The following GPC6 variants were observed in gnomAD, a reference collection of about 807,000 sequenced individuals.
GPC6 encodes the protein glypican 6.
GPC6 carries 14 observed loss-of-function variants against 55.2 expected under a neutral mutation model. That is an observed-to-expected ratio of 0.25 (90% CI 0.17 to 0.40). The LOEUF (loss-of-function observed/expected upper bound fraction) is 0.40. GPC6 is among the 10% of genes least tolerant of loss of function. The pLI, the probability that GPC6 is intolerant of heterozygous loss-of-function variation, is 1.00. For synonymous variants in GPC6, 278 were observed against 259.6 expected (o/e 1.07, Z -0.68); for missense variants, 641 against 708.5 (o/e 0.90, Z 1.08).
chr13:93,458,759 A>G lies in GPC6; in HGVS notation c.161-86504A>G, dbSNP rs1043657279. Among the ~76,000 whole-genome samples the G allele has an allele frequency of 5.3e-5, 8 of 152,296 alleles. No individual in the cohort carries two copies. In the South Asian group the frequency reaches 1.5e-3, roughly 28 times the overall value. ...CTCCTGAGGTCTCTTTGGACAACAT[A>G]CTATTTATTATCAAATTATATTCAT... On this transcript the variant is annotated intron_variant, in intron 1 of 8. Transcript: ENST00000377047.
At chr13:94,249,650 GA>G in intron 4 of GPC6, among the ~76,000 whole-genome samples, 1 of 152,250 alleles carries the variant, frequency 6.6e-6, no homozygotes, top group East Asian at 1.9e-4. Context: ...AATGGAATTA[GA>G]ATTTGACTCC....
At chr13:94,239,784 A>G (rs879739879) in intron 4 of GPC6, among the ~76,000 whole-genome samples, 2 of 152,176 alleles carry the variant, frequency 1.3e-5, no homozygotes, top group African/African-American at 2.4e-5. Context: ...TCTAGAAACA[A>G]AAAGCTAAAC....
chr13:93,922,535 G>A (rs1429434780), intron 3 of GPC6, among the ~76,000 whole-genome samples: 1 of 152,104 alleles, frequency 6.6e-6, no homozygotes, highest in Non-Finnish European at 1.5e-5. Flanking sequence ...GCATTGTAAT[G>A]TGTTCAGCTA....
At chr13:93,675,817 A>G (rs535138676) in intron 2 of GPC6, among the ~76,000 whole-genome samples, 41 of 152,104 alleles carry the variant, frequency 2.7e-4, no homozygotes, top group Non-Finnish European at 4.7e-4. Flanking sequence ...CTTAACCAAT[A>G]CAAGAAGTGG....
At chr13:93,891,808 A>C (rs1352065343) in intron 3 of GPC6, among the ~76,000 whole-genome samples, 1 of 152,096 alleles carries the variant, frequency 6.6e-6, no homozygotes, top group East Asian at 1.9e-4. Context: ...GAGATGGCTT[A>C]GTATATCTGT....
intron 3 of GPC6, among the ~76,000 whole-genome samples, chr13:93,832,122 A>AATATATAT (rs71126419): frequency 0.042 from 501 of 12,026 alleles, 25 homozygotes; most frequent in East Asian, 0.095. Context: ...AAAAAAAAAA[A>AATATATAT]ATATATATAT....
At chr13:93,796,919 G>A (rs10492638) in intron 2 of GPC6, among the ~76,000 whole-genome samples, 4,570 of 151,030 alleles carry the variant, frequency 0.03, 271 homozygotes, top group East Asian at 0.16. Flanking sequence ...AGTTTCATCC[G>A]TTTCTGGTAT....
At chr13:93,569,814 C>T (rs551500090) in intron 2 of GPC6, among the ~76,000 whole-genome samples, 13 of 151,932 alleles carry the variant, frequency 8.6e-5, no homozygotes, top group South Asian at 6.3e-4. Context: ...GATAAAGTTA[C>T]CAATTATAAT....
intron 2 of GPC6, among the ~76,000 whole-genome samples, chr13:93,668,601 A>G (rs1164470297): frequency 4.6e-5 from 7 of 152,190 alleles, no homozygotes; most frequent in Non-Finnish European, 7.3e-5. Context: ...AAGAGAAGCC[A>G]TGCGAAAGGA....
At chr13:93,754,780 C>A (rs570689514) in intron 2 of GPC6, among the ~76,000 whole-genome samples, 1 of 151,968 alleles carries the variant, frequency 6.6e-6, no homozygotes, top group South Asian at 2.1e-4. Context: ...TATTTAGATT[C>A]TGTTCCCTGA....
chr13:93,701,376 A>T (rs147415747), intron 2 of GPC6, among the ~76,000 whole-genome samples: 5 of 152,134 alleles, frequency 3.3e-5, no homozygotes, highest in Non-Finnish European at 7.4e-5. Context: ...AAAAAAGTAC[A>T]TACATTAATA....
chr13:93,626,231 A>G lies in GPC6; in HGVS notation c.319+80810A>G. On this transcript the variant is annotated intron_variant, in intron 2 of 8. Transcript: ENST00000377047. ...AGCTACATGACTTGCCTGACTCAAT[A>G]CAAAATATTAAATATGAGACGTCTT... is the stretch of plus-strand genomic sequence containing the variant. Among the ~76,000 whole-genome samples the G allele has an allele frequency of 1.3e-5, 2 of 152,178 alleles. 1 individual carries two copies. Among genetic ancestry groups the G allele is most frequent in the Non-Finnish European group, 2.9e-5 (2 of 68,034 alleles).
chr13:93,239,776 G>T (rs773907451), intron 1 of GPC6, among the ~76,000 whole-genome samples: 3 of 151,786 alleles, frequency 2.0e-5, no homozygotes, highest in Non-Finnish European at 4.4e-5. Flanking sequence ...AGTGCTATAA[G>T]CTTTCCTGTT....
chr13:93,530,044 AG>A (rs1204100378), intron 1 of GPC6, among the ~76,000 whole-genome samples: 4 of 152,240 alleles, frequency 2.6e-5, no homozygotes, highest in Non-Finnish European at 4.4e-5. Flanking sequence ...GCACTGCAAA[AG>A]TAAACAAGAC....
At chr13:93,753,540 A>G (rs1049331569) in intron 2 of GPC6, among the ~76,000 whole-genome samples, 1 of 152,176 alleles carries the variant, frequency 6.6e-6, no homozygotes, top group Non-Finnish European at 1.5e-5. Context: ...CACATCATGA[A>G]GAATGCGGTA....
intron 4 of GPC6, among the ~76,000 whole-genome samples, chr13:94,258,881 T>G (rs1392968104): frequency 6.6e-6 from 1 of 152,194 alleles, no homozygotes; most frequent in Non-Finnish European, 1.5e-5. Context: ...CCATCATGCC[T>G]GCAAAATGAT....
At chr13:94,348,935 T>G (rs1209719934) in intron 6 of GPC6, among the ~76,000 whole-genome samples, 2 of 152,186 alleles carry the variant, frequency 1.3e-5, no homozygotes, top group Non-Finnish European at 1.5e-5. Context: ...CTCAGAAAAC[T>G]TGTTCAGTCT....
At chr13:93,409,516 G>A (rs1456947138) in intron 1 of GPC6, among the ~76,000 whole-genome samples, 1 of 152,128 alleles carries the variant, frequency 6.6e-6, no homozygotes, top group Non-Finnish European at 1.5e-5. Flanking sequence ...CCTCAACTAG[G>A]GATGGCAAGT....
chr13:93,875,303 CTTTG>C (rs1889256105), intron 3 of GPC6, among the ~76,000 whole-genome samples: 1 of 151,994 alleles, frequency 6.6e-6, no homozygotes, highest in Non-Finnish European at 1.5e-5. Flanking sequence ...CAAAATATGG[CTTTG>C]TTTAAGATGA....
Sources: allele counts gnomAD v4.1 joint callset (sites outside exome capture counted in the v4.1 genomes callset), GRCh38; gene constraint gnomAD v4.1.1; transcripts MANE v1.5; gene names NCBI Gene and HGNC (gene_info 2026-07-23, HGNC 2026-07-21).